Variants in AUTS2 observed in about 807,000 individuals in gnomAD.
The protein encoded by AUTS2 is activator of transcription and developmental regulator AUTS2, also known as autism susceptibility gene 2 protein.
A neutral mutation model predicts 112.4 loss-of-function variants in AUTS2; 17 were observed. That is an observed-to-expected ratio of 0.15 (90% CI 0.10 to 0.23). The LOEUF is 0.23. Among genes scored for constraint, AUTS2 ranks in the 10% least tolerant of loss-of-function variants. The pLI is 1.00. For missense variants in AUTS2, 1,510 were observed against 1,701.6 expected, an observed-to-expected ratio of 0.89 and a Z score of 1.98; for synonymous variants, 751 against 702.7, an observed-to-expected ratio of 1.07 and a Z score of -1.09.
At chr7:70,187,361 G>A (rs1043323031) in intron 4 of AUTS2, among the ~76,000 whole-genome samples, 1 of 151,996 alleles carries the variant, frequency 6.6e-6, no homozygotes. Flanking sequence ...AGGTAATTAG[G>A]TATATATGTA....
At chr7:70,183,361 T>C (rs1809423325) in intron 4 of AUTS2, among the ~76,000 whole-genome samples, 1 of 152,178 alleles carries the variant, frequency 6.6e-6, no homozygotes, top group Non-Finnish European at 1.5e-5. Context: ...AGAGGGTAAT[T>C]ACGCTAGCAT....
chr7:69,899,241 A>G (rs1221469932), intron 1 of AUTS2, 45 bp from the exon 2 acceptor site: 2 of 1,460,842 alleles, frequency 1.4e-6, no homozygotes, highest in Admixed American at 1.7e-5. Flanking sequence ...GACCCTAGAT[A>G]CCTTTGTAAC....
At chr7:70,481,068 A>G (rs149593027) in intron 5 of AUTS2, among the ~76,000 whole-genome samples, 2 of 152,342 alleles carry the variant, frequency 1.3e-5, no homozygotes, top group East Asian at 3.9e-4. Flanking sequence ...CACACCCAGT[A>G]CAGACTGTGG....
chr7:70,395,039 T>C (rs950374065), intron 4 of AUTS2, among the ~76,000 whole-genome samples: 1 of 152,152 alleles, frequency 6.6e-6, no homozygotes, highest in African/African-American at 2.4e-5. Context: ...GATACTGTTA[T>C]CTCATTTTTT....
chr7:70,264,733 A>C (rs891463724), intron 4 of AUTS2, among the ~76,000 whole-genome samples: 2 of 152,300 alleles, frequency 1.3e-5, no homozygotes, highest in African/African-American at 4.8e-5. Flanking sequence ...AAGAATGGAT[A>C]GTTTTAGGGG....
chr7:70,581,476 T>C (rs1463597825), intron 5 of AUTS2, among the ~76,000 whole-genome samples: 1 of 152,216 alleles, frequency 6.6e-6, no homozygotes, highest in Non-Finnish European at 1.5e-5. Context: ...GAGGATCGCT[T>C]AAGCCAGTGA....
intron 1 of AUTS2, among the ~76,000 whole-genome samples, chr7:69,680,792 C>G (rs1482771876): frequency 6.6e-6 from 1 of 152,186 alleles, no homozygotes; most frequent in African/African-American, 2.4e-5. Context: ...GCCTCACCCT[C>G]CTGAGTAGCT....
intron 5 of AUTS2, among the ~76,000 whole-genome samples, chr7:70,448,207 T>C (rs923863690): frequency 6.6e-6 from 1 of 152,180 alleles, no homozygotes; most frequent in Non-Finnish European, 1.5e-5. Flanking sequence ...CTCATCGCTT[T>C]CTATTCCAAG....
intron 5 of AUTS2, among the ~76,000 whole-genome samples, chr7:70,534,458 ACT>A (rs1447091974): frequency 1.3e-5 from 2 of 151,648 alleles, no homozygotes; most frequent in African/African-American, 4.9e-5. Flanking sequence ...ACAGAGTCTC[ACT>A]CTGTCGCCCG....
intron 4 of AUTS2, among the ~76,000 whole-genome samples, chr7:70,180,367 G>A (rs1809231667): frequency 1.3e-5 from 2 of 152,094 alleles, no homozygotes; most frequent in Non-Finnish European, 2.9e-5. Flanking sequence ...CAAGGTAGGG[G>A]AAGTAAATTT....
At chr7:69,994,743 G>T (rs1410743377) in intron 2 of AUTS2, among the ~76,000 whole-genome samples, 3 of 152,126 alleles carry the variant, frequency 2.0e-5, no homozygotes, top group Non-Finnish European at 4.4e-5. Flanking sequence ...TCTTCAGGTA[G>T]GCTCCCCAGG....
At chr7:70,256,010 C>T (rs1200347791) in intron 4 of AUTS2, among the ~76,000 whole-genome samples, 2 of 152,108 alleles carry the variant, frequency 1.3e-5, no homozygotes, top group African/African-American at 4.8e-5. Flanking sequence ...TCTTATCTTT[C>T]CCTGAACACC....
chr7:70,775,331 AC>A, intron 12 of AUTS2, 25 bp from the exon 13 acceptor site: 1 of 1,608,388 alleles, frequency 6.2e-7, no homozygotes, highest in Non-Finnish European at 8.5e-7. Flanking sequence ...CAGGCATGTA[AC>A]CAAGTTGTCA....
At chr7:69,901,485 A>G (rs1464099144) in intron 2 of AUTS2, among the ~76,000 whole-genome samples, 1 of 152,188 alleles carries the variant, frequency 6.6e-6, no homozygotes, top group Non-Finnish European at 1.5e-5. Context: ...TATGATCGGA[A>G]AAGAAGACTA....
chr7:70,265,122 TA>T (rs1787354794), intron 4 of AUTS2, among the ~76,000 whole-genome samples: 1 of 152,194 alleles, frequency 6.6e-6, no homozygotes, highest in Non-Finnish European at 1.5e-5. Context: ...GAGAAAAAAA[TA>T]AGACTTCCAG....
intron 4 of AUTS2, among the ~76,000 whole-genome samples, chr7:70,264,866 A>G (rs972852114): frequency 6.6e-6 from 1 of 152,220 alleles, no homozygotes; most frequent in African/African-American, 2.4e-5. Flanking sequence ...TTTTAGAAAA[A>G]GTGTAAAGGA....
intron 5 of AUTS2, among the ~76,000 whole-genome samples, chr7:70,667,204 G>T (rs1186855482): frequency 1.3e-5 from 2 of 151,938 alleles, no homozygotes; most frequent in Non-Finnish European, 2.9e-5. Flanking sequence ...ACTGCACCAG[G>T]GCTTCGTAAT....
intron 6 of AUTS2, among the ~76,000 whole-genome samples, chr7:70,702,506 A>G (rs1809511614): frequency 6.6e-6 from 1 of 152,170 alleles, no homozygotes; most frequent in Non-Finnish European, 1.5e-5. Flanking sequence ...CTTTGTCTCA[A>G]ATTGCAGAAC....
intron 2 of AUTS2, among the ~76,000 whole-genome samples, chr7:69,956,440 G>A (rs891035537): frequency 3.9e-5 from 6 of 151,916 alleles, no homozygotes; most frequent in East Asian, 1.9e-4. Flanking sequence ...ACCTGTAACC[G>A]TTATTACTCA....
Sources: gnomAD v4.1 joint callset for allele counts (sites outside exome capture counted in the v4.1 genomes callset) on GRCh38, gnomAD v4.1.1 for gene constraint, MANE v1.5 for transcripts, NCBI Gene and HGNC (gene_info 2026-07-23, HGNC 2026-07-21) for gene names.